SCN7A: variants seen among roughly 807,000 people sequenced by gnomAD.
SCN7A encodes the protein sodium channel protein type 7 subunit alpha.
A neutral mutation model predicts 155.2 loss-of-function variants in SCN7A; 138 were observed. The observed-to-expected ratio is 0.89, with a 90% CI of 0.77 to 1.02. The LOEUF (loss-of-function observed/expected upper bound fraction) is 1.02, where lower values mean the gene tolerates loss of function less well. SCN7A is among the 50% of genes least tolerant of loss of function. The pLI, the probability that SCN7A is intolerant of heterozygous loss-of-function variation, is 0.00. For missense variants in SCN7A, 2,058 were observed against 1,986.6 expected (o/e 1.04, Z -0.68); for synonymous variants, 693 against 649.0 (o/e 1.07, Z -1.03).
chr2:166,478,871 C>T (rs959527217), intron 2 of SCN7A, among the ~76,000 whole-genome samples: 7 of 152,070 alleles, frequency 4.6e-5, no homozygotes, highest in African/African-American at 1.7e-4. Flanking sequence ...TAATTTCATG[C>T]ATCAATTCCC....
intron 19 of SCN7A, among the ~76,000 whole-genome samples, chr2:166,422,776 C>T (rs1191019416): frequency 1.3e-5 from 2 of 152,144 alleles, no homozygotes; most frequent in South Asian, 2.1e-4. Context: ...CATTTCACAA[C>T]AGTTACTCTG....
At chr2:166,414,464 T>C (rs1402421141) in intron 21 of SCN7A, 1 of 113,690 alleles carries the variant, frequency 8.8e-6, no homozygotes, top group East Asian at 2.8e-4. Context: ...ACTAATAGGA[T>C]ATATATATAT....
At chr2:166,489,262 G>A (rs572567618) in intron 1 of SCN7A, among the ~76,000 whole-genome samples, 1 of 152,158 alleles carries the variant, frequency 6.6e-6, no homozygotes, top group Non-Finnish European at 1.5e-5. Context: ...TGAATAAAAT[G>A]TTGTATAATG....
In SCN7A at chr2:166,455,741, G is replaced by GT. The variant is rs533412688; in HGVS notation, c.1290+1128dup. 2.6e-5 allele frequency among the ~76,000 whole-genome samples: 4 copies of GT among 152,264 alleles called. No homozygotes were observed. The South Asian group carries it at 8.3e-4, about 32-fold the overall frequency. On this transcript the variant is annotated intron_variant, in intron 11 of 25. Transcript: ENST00000643258. ...TCCATCAATACCTAGTTTATTGAGT[G>GT]TTTTTAGCATGAAGGGGTGTTGAAT...
chr2:166,419,398 C>A (rs1701462826), intron 20 of SCN7A, among the ~76,000 whole-genome samples: 1 of 148,806 alleles, frequency 6.7e-6, no homozygotes. Flanking sequence ...CACTCTGTCA[C>A]CCAGTCTGGA....
At chr2:166,433,573 A>T (rs1701777246) in intron 15 of SCN7A, among the ~76,000 whole-genome samples, 1 of 152,160 alleles carries the variant, frequency 6.6e-6, no homozygotes, top group Admixed American at 6.5e-5. Context: ...GGTTACATAG[A>T]TTAGACCCAA....
intron 20 of SCN7A, 97 bp from the exon 21 acceptor site, chr2:166,417,082 T>A: frequency 1.0e-6 from 1 of 973,322 alleles, no homozygotes; most frequent in Non-Finnish European, 1.5e-6. Context: ...AATAACATAT[T>A]TAAAAAAAAA....
intron 15 of SCN7A, among the ~76,000 whole-genome samples, chr2:166,438,045 T>C (rs1028230417): frequency 6.6e-6 from 1 of 152,112 alleles, no homozygotes; most frequent in Non-Finnish European, 1.5e-5. Context: ...GATATGAGAT[T>C]TGGGAAGGGC....
intron 1 of SCN7A, among the ~76,000 whole-genome samples, chr2:166,491,665 G>A (rs1008134183): frequency 2.7e-5 from 4 of 149,168 alleles, no homozygotes; most frequent in African/African-American, 9.9e-5. Context: ...AGGAACCAAC[G>A]CAGGAAAAGA....
intron 3 of SCN7A, among the ~76,000 whole-genome samples, chr2:166,475,137 T>C (rs13015989): frequency 0.13 from 17,164 of 133,668 alleles, 1,314 homozygotes; most frequent in Middle Eastern, 0.18. Flanking sequence ...TATATATATA[T>C]ACACACACAC....
chr2:166,485,467 C>T (rs892519737), intron 2 of SCN7A, among the ~76,000 whole-genome samples: 1 of 152,048 alleles, frequency 6.6e-6, no homozygotes, highest in Non-Finnish European at 1.5e-5. Flanking sequence ...CATCTGATTG[C>T]AAATATACTA....
chr2:166,451,425 A>G (rs1702174881), intron 11 of SCN7A, among the ~76,000 whole-genome samples: 1 of 152,234 alleles, frequency 6.6e-6, no homozygotes, highest in South Asian at 2.1e-4. Context: ...TTAAGAGCTA[A>G]TAAGGGCATA....
At chr2:166,439,399 C>T (rs1701908544) in intron 15 of SCN7A, among the ~76,000 whole-genome samples, 1 of 151,796 alleles carries the variant, frequency 6.6e-6, no homozygotes, top group African/African-American at 2.4e-5. Flanking sequence ...AAATTCTTTC[C>T]TCTATTAGAC....
chr2:166,449,009 T>C (rs903754543), intron 11 of SCN7A, among the ~76,000 whole-genome samples: 1 of 152,208 alleles, frequency 6.6e-6, no homozygotes, highest in Non-Finnish European at 1.5e-5. Flanking sequence ...TTCTGTAAGA[T>C]AATTACTTAT....
At chr2:166,436,316 A>T in intron 15 of SCN7A, 1 of 364,108 alleles carries the variant, frequency 2.7e-6, no homozygotes. Flanking sequence ...TTCTCACAAG[A>T]TCTGATGGTT....
At chr2:166,437,354 G>GA (rs1476565201) in intron 15 of SCN7A, among the ~76,000 whole-genome samples, 2 of 152,310 alleles carry the variant, frequency 1.3e-5, no homozygotes, top group East Asian at 3.9e-4. Flanking sequence ...TGAGATTTGG[G>GA]AATCTCCACC....
chr2:166,442,415 G>A (rs149815248), intron 14 of SCN7A, among the ~76,000 whole-genome samples: 4 of 151,934 alleles, frequency 2.6e-5, no homozygotes, highest in Admixed American at 2.6e-4. Context: ...GTTTGACAGA[G>A]TCTCTCTCTG....
At chr2:166,464,168 GTGTATA>G (rs2105481822) in intron 9 of SCN7A, among the ~76,000 whole-genome samples, 1 of 149,988 alleles carries the variant, frequency 6.7e-6, no homozygotes, top group East Asian at 2.4e-4. Context: ...ACACATATGT[GTGTATA>G]TATATGTGTA....
chr2:166,456,965 C>G lies in SCN7A; in HGVS notation c.1195G>C (p.Glu399Gln). The G allele has an allele frequency of 6.2e-7, 1 of 1,600,870 alleles. No individual in the cohort carries two copies. Among genetic ancestry groups the G allele is most frequent in the Non-Finnish European group, 8.5e-7 (1 of 1,173,450 alleles). Residue 399 changes from glutamate (E) to glutamine (Q), a missense_variant, in exon 11 of 26, where the codon GAA becomes CAA. Physicochemically the swap from Glu to Gln is conservative, Grantham distance 29 (BLOSUM62 2). Transcript: ENST00000643258. ...ATTTCACCAACTCTCTGCTTTTCTT[C>G]TTCATAGGCCATGGCAAGTATGCCT... ...FLGILAMAYEEEKQRVGEISK... is the reference protein window; with the variant it reads ...FLGILAMAYEQEKQRVGEISK...
Sources: gnomAD v4.1 joint callset for allele counts (sites outside exome capture counted in the v4.1 genomes callset) on GRCh38, gnomAD v4.1.1 for gene constraint, MANE v1.5 for transcripts, NCBI Gene and HGNC (gene_info 2026-07-23, HGNC 2026-07-21) for gene names.